Variants in SH3RF3 observed in about 807,000 individuals in gnomAD.
SH3RF3 encodes the protein SH3 domain containing ring finger 3, also known as E3 ubiquitin-protein ligase SH3RF3.
A neutral mutation model predicts 66.3 loss-of-function variants in SH3RF3; 29 were observed. The ratio of observed to expected loss-of-function variants is 0.44; its 90% CI spans 0.33 to 0.60. The LOEUF is 0.60. SH3RF3 is among the 20% of genes least tolerant of loss of function. SH3RF3 has a pLI of 0.04. For synonymous variants in SH3RF3, 583 were observed against 532.0 expected (o/e 1.10, Z -1.32); for missense variants, 1,194 against 1,190.9 (o/e 1.00, Z -0.04).
At chr2:109,348,429 C>G (rs1574589329) in intron 2 of SH3RF3, among the ~76,000 whole-genome samples, 1 of 152,200 alleles carries the variant, frequency 6.6e-6, no homozygotes, top group African/African-American at 2.4e-5. Context: ...CTCTAGGGCA[C>G]CTGAGGCAGG....
chr2:109,350,905 C>T (rs1235211922), intron 2 of SH3RF3, among the ~76,000 whole-genome samples: 2 of 152,214 alleles, frequency 1.3e-5, no homozygotes, highest in East Asian at 3.9e-4. Context: ...AATGGTATAA[C>T]CTGCCTTTAT....
At chr2:109,239,857 G>T (rs773013261) in intron 1 of SH3RF3, among the ~76,000 whole-genome samples, 40 of 152,176 alleles carry the variant, frequency 2.6e-4, no homozygotes, top group Non-Finnish European at 5.1e-4. Flanking sequence ...ATTTCCGACC[G>T]TCTCCTTGGA....
intron 1 of SH3RF3, among the ~76,000 whole-genome samples, chr2:109,153,280 T>C (rs777163295): frequency 7.9e-5 from 12 of 152,238 alleles, no homozygotes; most frequent in Non-Finnish European, 1.8e-4. Context: ...TGTAGGTGTT[T>C]AAGCTGTCAC....
At chr2:109,313,370 C>A (rs527609456) in intron 1 of SH3RF3, among the ~76,000 whole-genome samples, 1 of 152,340 alleles carries the variant, frequency 6.6e-6, no homozygotes, top group East Asian at 1.9e-4. Context: ...TAATGCACAG[C>A]CCGGGATGAG....
At chr2:109,386,524 G>C (rs1000610195) in intron 3 of SH3RF3, among the ~76,000 whole-genome samples, 7 of 152,202 alleles carry the variant, frequency 4.6e-5, no homozygotes, top group Non-Finnish European at 1.0e-4. Context: ...AAAAACCAGC[G>C]TTAGCTGGAT....
chr2:109,267,517 C>G (rs1363529969), intron 1 of SH3RF3, among the ~76,000 whole-genome samples: 1 of 152,168 alleles, frequency 6.6e-6, no homozygotes, highest in African/African-American at 2.4e-5. Context: ...TTTGTGCTTG[C>G]TTCTTTGATC....
intron 1 of SH3RF3, among the ~76,000 whole-genome samples, chr2:109,315,229 G>T (rs952824248): frequency 3.9e-5 from 6 of 152,200 alleles, no homozygotes; most frequent in African/African-American, 7.2e-5. Flanking sequence ...AGTGGAGAGG[G>T]CTATAGTCTC....
At chr2:109,375,089 A>G (rs959139509) in intron 3 of SH3RF3, among the ~76,000 whole-genome samples, 3 of 152,126 alleles carry the variant, frequency 2.0e-5, no homozygotes, top group Admixed American at 1.3e-4. Flanking sequence ...CTGCTGTTCT[A>G]TAGAAATAAT....
At chr2:109,360,422 A>G (rs1683031304) in intron 2 of SH3RF3, among the ~76,000 whole-genome samples, 1 of 152,214 alleles carries the variant, frequency 6.6e-6, no homozygotes, top group Non-Finnish European at 1.5e-5. Context: ...ACTTTGTTTC[A>G]TGCACAAAAT....
At chr2:109,291,979 T>C (rs1419216479) in intron 1 of SH3RF3, among the ~76,000 whole-genome samples, 1 of 152,214 alleles carries the variant, frequency 6.6e-6, no homozygotes, top group African/African-American at 2.4e-5. Flanking sequence ...TTCTTATGCC[T>C]CAGCCTCTCG....
chr2:109,433,888 C>T (rs151274391), intron 6 of SH3RF3, among the ~76,000 whole-genome samples: 31 of 152,344 alleles, frequency 2.0e-4, no homozygotes, highest in African/African-American at 5.3e-4. Context: ...AAATGCACCC[C>T]CTCAAACCCA....
chr2:109,199,598 G>GAACCC (rs1678605045), intron 1 of SH3RF3, among the ~76,000 whole-genome samples: 1 of 238 alleles, frequency 4.2e-3, no homozygotes, highest in Non-Finnish European at 8.1e-3. Flanking sequence ...GGAATGGAAT[G>GAACCC]GAATGGAATG....
At chr2:109,178,732 A>G (rs1326658547) in intron 1 of SH3RF3, among the ~76,000 whole-genome samples, 3 of 152,170 alleles carry the variant, frequency 2.0e-5, no homozygotes, top group Non-Finnish European at 4.4e-5. Flanking sequence ...AACATTTTTA[A>G]TTGGTGTGTC....
In SH3RF3 at chr2:109,309,448, G is replaced by A. The variant is rs533438752; in HGVS notation, c.574-38226G>A. On this transcript the variant is annotated intron_variant, in intron 1 of 9. Coordinates refer to ENST00000309415, the MANE Select transcript of SH3RF3 (RefSeq NM_001099289.3). ...CTAGCAAGAAACTGCATCAACTAAC[G>A]AGCAAAATCACTAGCTAACATCATA... Among the ~76,000 whole-genome samples, 5 of 129,864 alleles carry A rather than the reference G, an allele frequency of 3.9e-5. 1 individual carries two copies. The highest frequency in any genetic ancestry group is 1.1e-4 in the African/African-American group (3 of 27,024). 85.2% of individuals were successfully genotyped at this position (129,864 alleles called of 152,430 possible). A position where few individuals can be genotyped will look rare whatever the true frequency, so the allele number is the denominator to read the frequency against.
At chr2:109,290,140 A>G (rs996140513) in intron 1 of SH3RF3, among the ~76,000 whole-genome samples, 1 of 152,194 alleles carries the variant, frequency 6.6e-6, no homozygotes, top group African/African-American at 2.4e-5. Flanking sequence ...ATAGATGACC[A>G]AAGTTGCATG....
chr2:109,466,865 G>A (rs1244102636), intron 8 of SH3RF3, among the ~76,000 whole-genome samples: 1 of 152,084 alleles, frequency 6.6e-6, no homozygotes. Flanking sequence ...ATGTGCATGT[G>A]TGTATATGTT....
intron 1 of SH3RF3, among the ~76,000 whole-genome samples, chr2:109,266,791 C>T (rs932541981): frequency 5.3e-5 from 8 of 152,142 alleles, no homozygotes; most frequent in African/African-American, 1.4e-4. Flanking sequence ...CCCACTCGCA[C>T]ATGCATGAGA....
intron 6 of SH3RF3, among the ~76,000 whole-genome samples, chr2:109,435,811 A>T (rs1218584017): frequency 1.3e-5 from 2 of 152,236 alleles, no homozygotes; most frequent in African/African-American, 4.8e-5. Context: ...AGCTCAACAG[A>T]TGATAGAAAA....
At chr2:109,208,779 C>G (rs1391612725) in intron 1 of SH3RF3, among the ~76,000 whole-genome samples, 1 of 152,146 alleles carries the variant, frequency 6.6e-6, no homozygotes, top group Non-Finnish European at 1.5e-5. Flanking sequence ...GAATCTTGCC[C>G]TAGAAATACA....
Sources: gnomAD v4.1 joint callset for allele counts (sites outside exome capture counted in the v4.1 genomes callset) on GRCh38, gnomAD v4.1.1 for gene constraint, MANE v1.5 for transcripts, NCBI Gene and HGNC (gene_info 2026-07-23, HGNC 2026-07-21) for gene names.